The following GALNTL6 variants were observed in gnomAD, a reference collection of about 807,000 sequenced individuals.
GALNTL6 encodes the protein polypeptide N-acetylgalactosaminyltransferase-like 6.
A neutral mutation model predicts 73.7 loss-of-function variants in GALNTL6; 46 were observed. That is an observed-to-expected ratio of 0.62 (90% CI 0.49 to 0.80). GALNTL6 has a LOEUF of 0.80. Ranked by LOEUF, GALNTL6 falls within the 30% of genes least tolerant of loss-of-function variation. The probability of loss-of-function intolerance (pLI) is 0.00; values close to 1 mark genes in which losing one functional copy is unlikely to be tolerated. For synonymous variants in GALNTL6, 259 were observed against 263.7 expected (o/e 0.98, Z 0.17); for missense variants, 604 against 755.0 (o/e 0.80, Z 2.34).
At chr4:172,277,271 A>G (rs1738866527) in intron 3 of GALNTL6, among the ~76,000 whole-genome samples, 1 of 152,052 alleles carries the variant, frequency 6.6e-6, no homozygotes, top group Non-Finnish European at 1.5e-5. Context: ...TGCAAAAAAA[A>G]AAATACTTCG....
intron 5 of GALNTL6, among the ~76,000 whole-genome samples, chr4:172,456,406 A>G (rs1346787085): frequency 6.6e-6 from 1 of 152,040 alleles, no homozygotes; most frequent in African/African-American, 2.4e-5. Flanking sequence ...AACTCCTCCA[A>G]GCTAAAGGAG....
intron 9 of GALNTL6, among the ~76,000 whole-genome samples, chr4:172,931,481 A>G (rs1395481680): frequency 6.6e-6 from 1 of 152,216 alleles, no homozygotes; most frequent in East Asian, 1.9e-4. Context: ...CATACATTAT[A>G]TTTAATCTTC....
chr4:172,910,412 T>A (rs982562913), intron 8 of GALNTL6, among the ~76,000 whole-genome samples: 1 of 152,296 alleles, frequency 6.6e-6, no homozygotes, highest in South Asian at 2.1e-4. Flanking sequence ...TTGGTATTTA[T>A]ATGCCAAGGT....
chr4:172,190,975 C>T (rs1427981273), intron 2 of GALNTL6, among the ~76,000 whole-genome samples: 1 of 152,164 alleles, frequency 6.6e-6, no homozygotes, highest in Non-Finnish European at 1.5e-5. Context: ...GGTCTGCTTC[C>T]ATTGTCATAT....
chr4:172,858,041 C>T (rs1744204767), intron 7 of GALNTL6, among the ~76,000 whole-genome samples: 1 of 152,156 alleles, frequency 6.6e-6, no homozygotes, highest in Admixed American at 6.5e-5. Context: ...TGAGAAGTAT[C>T]TTTGGAGTTG....
intron 5 of GALNTL6, among the ~76,000 whole-genome samples, chr4:172,697,422 A>G (rs1342487250): frequency 6.6e-6 from 1 of 152,232 alleles, no homozygotes; most frequent in Non-Finnish European, 1.5e-5. Flanking sequence ...TACTAAATAA[A>G]AAGTTGGCAT....
At chr4:172,991,596 C>T (rs547855617) in intron 10 of GALNTL6, among the ~76,000 whole-genome samples, 7 of 151,866 alleles carry the variant, frequency 4.6e-5, no homozygotes, top group East Asian at 3.9e-4. Context: ...TTAGTAGAGA[C>T]GGGATTTTGC....
intron 5 of GALNTL6, among the ~76,000 whole-genome samples, chr4:172,501,325 T>C (rs1288662353): frequency 6.6e-6 from 1 of 152,206 alleles, no homozygotes; most frequent in Non-Finnish European, 1.5e-5. Flanking sequence ...AGTTATCAAA[T>C]GCAGCTTTAT....
intron 2 of GALNTL6, among the ~76,000 whole-genome samples, chr4:172,064,236 TTTTGTTTTTCTG>T (rs1472138910): frequency 1.1e-4 from 17 of 152,196 alleles, no homozygotes; most frequent in Admixed American, 1.0e-3. Context: ...TGATTTTATT[TTTTGTTTTTCTG>T]TTTGTTTTTC....
intron 8 of GALNTL6, 28 bp downstream of exon 8, chr4:172,882,935 T>C: frequency 8.6e-7 from 1 of 1,162,548 alleles, no homozygotes; most frequent in East Asian, 2.4e-5. Context: ...CTTCACACTA[T>C]ATCTGTATAA....
intron 5 of GALNTL6, among the ~76,000 whole-genome samples, chr4:172,571,347 G>T (rs1736754604): frequency 6.6e-6 from 1 of 152,190 alleles, no homozygotes; most frequent in South Asian, 2.1e-4. Flanking sequence ...ACCCTGCACA[G>T]ATCTTTGAAT....
chr4:173,026,354 T>C (rs1753231229), intron 12 of GALNTL6, among the ~76,000 whole-genome samples: 1 of 152,156 alleles, frequency 6.6e-6, no homozygotes. Context: ...TTTGGTCAGG[T>C]TCCTGACCAA....
intron 7 of GALNTL6, among the ~76,000 whole-genome samples, chr4:172,844,196 C>T (rs1199852852): frequency 6.6e-6 from 1 of 152,190 alleles, no homozygotes; most frequent in Non-Finnish European, 1.5e-5. Context: ...GTTCAACGTG[C>T]TTTCTGACAG....
chr4:173,021,422 T>C (rs1349456489), intron 11 of GALNTL6, 54 bp from the exon 12 acceptor site: 2 of 1,591,416 alleles, frequency 1.3e-6, no homozygotes, highest in East Asian at 2.2e-5. Flanking sequence ...CGCCCTTGCA[T>C]CTTCTCTCCA....
intron 2 of GALNTL6, among the ~76,000 whole-genome samples, chr4:172,063,702 T>C (rs570644924): frequency 2.4e-4 from 36 of 152,256 alleles, no homozygotes; most frequent in African/African-American, 8.7e-4. Context: ...TTAGTGTCTC[T>C]CCTGGGTGGT....
chr4:172,519,134 C>T (rs1442592745), intron 5 of GALNTL6, among the ~76,000 whole-genome samples: 1 of 150,530 alleles, frequency 6.6e-6, no homozygotes, highest in Non-Finnish European at 1.5e-5. Context: ...ACATTGTCAA[C>T]TCCTGCAAAT....
intron 8 of GALNTL6, among the ~76,000 whole-genome samples, chr4:172,922,177 C>A (rs1016152073): frequency 6.6e-6 from 1 of 152,194 alleles, no homozygotes; most frequent in African/African-American, 2.4e-5. Context: ...CTGCCTTTCA[C>A]CTCCCGCCAT....
chr4:172,030,065 C>T (rs1189590177), intron 2 of GALNTL6, among the ~76,000 whole-genome samples: 1 of 151,962 alleles, frequency 6.6e-6, no homozygotes, highest in Non-Finnish European at 1.5e-5. Context: ...ACATTTTACT[C>T]AAAATAAAAC....
chr4:172,698,361 C>T (rs1733814288), intron 5 of GALNTL6, among the ~76,000 whole-genome samples: 2 of 152,176 alleles, frequency 1.3e-5, no homozygotes, highest in African/African-American at 2.4e-5. Context: ...ATCAGTATTC[C>T]AACTAGTTTT....
Sources: allele counts gnomAD v4.1 joint callset (sites outside exome capture counted in the v4.1 genomes callset), GRCh38; gene constraint gnomAD v4.1.1; transcripts MANE v1.5; gene names NCBI Gene and HGNC (gene_info 2026-07-23, HGNC 2026-07-21).